ADAMTSL1: variants seen among roughly 807,000 people sequenced by gnomAD.
The protein encoded by ADAMTSL1 is ADAMTS like 1.
In ADAMTSL1, 126 loss-of-function variants were observed where a neutral mutation model predicts 201.8. The observed-to-expected ratio is 0.62, with a 90% CI of 0.54 to 0.72. The LOEUF (loss-of-function observed/expected upper bound fraction) is 0.72. ADAMTSL1 is among the 30% of genes least tolerant of loss of function. ADAMTSL1 has a pLI of 0.00. For missense variants in ADAMTSL1, 2,679 were observed against 2,277.8 expected (o/e 1.18, Z -3.59); for synonymous variants, 1,121 against 903.4 (o/e 1.24, Z -4.32).
chr9:18,172,799 A>T (rs1200082794), intron 2 of ADAMTSL1, among the ~76,000 whole-genome samples: 1 of 152,154 alleles, frequency 6.6e-6, no homozygotes. Context: ...ACATGTATTA[A>T]AATAGATAGA....
chr9:18,753,058 G>A (rs1304635037), intron 15 of ADAMTSL1, among the ~76,000 whole-genome samples: 11 of 152,142 alleles, frequency 7.2e-5, no homozygotes, highest in Admixed American at 5.2e-4. Context: ...ACCATTATTG[G>A]TGATTTTGTG....
At chr9:18,537,446 A>G (rs13295269) in intron 3 of ADAMTSL1, among the ~76,000 whole-genome samples, 39,058 of 152,138 alleles carry the variant, frequency 0.26, 5,774 homozygotes, top group Admixed American at 0.36. Context: ...CATAAAGCCA[A>G]TATACCTAAA....
At chr9:18,229,118 T>A (rs1229587236) in intron 2 of ADAMTSL1, among the ~76,000 whole-genome samples, 1 of 152,168 alleles carries the variant, frequency 6.6e-6, no homozygotes, top group African/African-American at 2.4e-5. Context: ...AAAAAGAAAG[T>A]ATTTTTGCTG....
rs564122086 is a variant in ADAMTSL1, at chr9:18,182,145, G to T, written c.207+18164G>T. On this transcript the variant is annotated intron_variant, in intron 2 of 29. Coordinates refer to the ADAMTSL1 transcript ENST00000680146. Reference sequence around the variant, plus strand: ...ACACTCTGGGGCCTGTTGTGGTGTGGGGGGAGGGGGGAGGGATAGCATTGG... The same window carrying T: ...ACACTCTGGGGCCTGTTGTGGTGTGTGGGGAGGGGGGAGGGATAGCATTGG... Among the ~76,000 whole-genome samples the T allele has an allele frequency of 4.1e-5, 6 of 144,780 alleles. No homozygotes were observed. In the South Asian group the frequency reaches 1.4e-3, roughly 35 times the overall value. 95.0% of individuals were successfully genotyped at this position (144,780 alleles called of 152,430 possible). A position where few individuals can be genotyped will look rare whatever the true frequency, so the allele number is the denominator to read the frequency against.
chr9:18,412,352 T>C (rs1818480104), intron 2 of ADAMTSL1, among the ~76,000 whole-genome samples: 1 of 152,172 alleles, frequency 6.6e-6, no homozygotes, highest in South Asian at 2.1e-4. Flanking sequence ...AAGTCCCCCA[T>C]TGTCATTTAC....
intron 23 of ADAMTSL1, among the ~76,000 whole-genome samples, chr9:18,874,473 A>G (rs898261167): frequency 7.9e-5 from 12 of 152,092 alleles, no homozygotes; most frequent in South Asian, 2.1e-4. Flanking sequence ...TTCTATGCCA[A>G]TTTTGCTGAG....
At chr9:18,705,357 CTTT>C (rs920012174) in intron 13 of ADAMTSL1, among the ~76,000 whole-genome samples, 4 of 152,232 alleles carry the variant, frequency 2.6e-5, no homozygotes, top group Admixed American at 2.6e-4. Flanking sequence ...ATTACACTAA[CTTT>C]TTGAAACTAT....
chr9:17,974,356 C>G (rs1818351134), intron 1 of ADAMTSL1, among the ~76,000 whole-genome samples: 1 of 152,058 alleles, frequency 6.6e-6, no homozygotes, highest in South Asian at 2.1e-4. Flanking sequence ...CCAATCGTCT[C>G]AGCCCAAAAT....
In ADAMTSL1 at chr9:18,841,924, CTCTT is replaced by C. The variant is rs1825744885; in HGVS notation, c.4249+11949_4249+11952del. 4.6e-5 allele frequency among the ~76,000 whole-genome samples: 7 copies of C among 152,064 alleles called. No individual in the cohort carries two copies. In the South Asian group the frequency reaches 1.5e-3, roughly 32 times the overall value. ...TTTATTGCGTCTATTTGATTCTTCT[CTCTT>C]TTCTTCTTTATTAGTCTTGCTAGCG... On this transcript the variant is annotated intron_variant, in intron 23 of 28. Coordinates refer to ENST00000380548, the MANE Select transcript of ADAMTSL1 (RefSeq NM_001040272.6).
At chr9:18,541,161 C>A (rs1820115660) in intron 3 of ADAMTSL1, among the ~76,000 whole-genome samples, 2 of 152,192 alleles carry the variant, frequency 1.3e-5, no homozygotes, top group South Asian at 4.1e-4. Flanking sequence ...AGCAGGCTCT[C>A]CTATCTTTCA....
At chr9:18,808,970 T>C (rs1042471766) in intron 20 of ADAMTSL1, among the ~76,000 whole-genome samples, 2 of 135,332 alleles carry the variant, frequency 1.5e-5, no homozygotes, top group African/African-American at 2.8e-5. Context: ...ATAATGCACA[T>C]AGCACACCAT....
At chr9:18,242,930 A>G (rs886561146) in intron 2 of ADAMTSL1, among the ~76,000 whole-genome samples, 1 of 152,184 alleles carries the variant, frequency 6.6e-6, no homozygotes, top group Non-Finnish European at 1.5e-5. Flanking sequence ...CCAAATCAAT[A>G]TACAGATTCA....
chr9:18,858,051 T>A (rs1044526923), intron 23 of ADAMTSL1, among the ~76,000 whole-genome samples: 28 of 151,292 alleles, frequency 1.9e-4, no homozygotes, highest in Admixed American at 7.2e-4. Flanking sequence ...ACCCAGAATT[T>A]AAAAAAAAAA....
intron 19 of ADAMTSL1, among the ~76,000 whole-genome samples, chr9:18,782,438 T>C (rs905396415): frequency 3.3e-5 from 5 of 152,232 alleles, no homozygotes; most frequent in African/African-American, 1.2e-4. Flanking sequence ...CCGCTCATCA[T>C]TGTCTATCCT....
chr9:17,919,786 T>C (rs1312368124), intron 1 of ADAMTSL1, among the ~76,000 whole-genome samples: 1 of 152,178 alleles, frequency 6.6e-6, no homozygotes, highest in Non-Finnish European at 1.5e-5. Context: ...TAAACATTTA[T>C]GTACAAGTTT....
chr9:18,531,872 G>A (rs1346556066), intron 2 of ADAMTSL1, among the ~76,000 whole-genome samples: 4 of 152,060 alleles, frequency 2.6e-5, no homozygotes, highest in African/African-American at 9.7e-5. Flanking sequence ...CAGATGGCCT[G>A]GTTTCAAATT....
chr9:18,218,077 G>T (rs892413275), intron 2 of ADAMTSL1, among the ~76,000 whole-genome samples: 1 of 152,124 alleles, frequency 6.6e-6, no homozygotes, highest in African/African-American at 2.4e-5. Flanking sequence ...TTAATTTTGA[G>T]TTTTTCCTGA....
intron 2 of ADAMTSL1, among the ~76,000 whole-genome samples, chr9:18,194,364 G>A (rs747051005): frequency 1.2e-4 from 18 of 152,046 alleles, no homozygotes; most frequent in Non-Finnish European, 2.4e-4. Context: ...GATTATTATA[G>A]CAGAAAATGA....
chr9:18,570,899 T>C (rs567263662), intron 3 of ADAMTSL1, among the ~76,000 whole-genome samples: 1 of 152,340 alleles, frequency 6.6e-6, no homozygotes, highest in African/African-American at 2.4e-5. Context: ...CCATAAAACT[T>C]GTAACAGGTG....
Sources: gnomAD v4.1 joint callset for allele counts (sites outside exome capture counted in the v4.1 genomes callset) on GRCh38, gnomAD v4.1.1 for gene constraint, MANE v1.5 for transcripts, NCBI Gene and HGNC (gene_info 2026-07-23, HGNC 2026-07-21) for gene names.